CLVS1: variants seen among roughly 807,000 people sequenced by gnomAD.
CLVS1 encodes clavesin 1, also known as clavesin-1.
Under a neutral mutation model 33.1 loss-of-function variants are expected in CLVS1, and 10 were observed. The ratio of observed to expected loss-of-function variants is 0.30; its 90% CI spans 0.19 to 0.51. The LOEUF is 0.51. Ranked by LOEUF, CLVS1 falls within the 20% of genes least tolerant of loss-of-function variation. The probability of loss-of-function intolerance (pLI) is 0.97; values close to 1 mark genes in which losing one functional copy is unlikely to be tolerated. For missense variants in CLVS1, 343 were observed against 433.4 expected (o/e 0.79, Z 1.85); for synonymous variants, 163 against 166.1 (o/e 0.98, Z 0.14).
At chr8:61,499,371 A>G (rs1804461356) in intron 5 of CLVS1, 84 bp from the exon 6 acceptor site, 4 of 954,162 alleles carry the variant, frequency 4.2e-6, no homozygotes, top group Admixed American at 1.8e-5. Flanking sequence ...AAAGAGAAAT[A>G]TAAAATCCGG....
chr8:61,383,435 A>G, intron 3 of CLVS1, among the ~76,000 whole-genome samples: 1 of 152,258 alleles, frequency 6.6e-6, no homozygotes, highest in East Asian at 1.9e-4. Context: ...AATGTTAGAT[A>G]GAACAGATGG....
At chr8:61,378,643 G>A (rs1423061444) in intron 3 of CLVS1, among the ~76,000 whole-genome samples, 1 of 152,158 alleles carries the variant, frequency 6.6e-6, no homozygotes, top group Non-Finnish European at 1.5e-5. Context: ...ATCAAGGATA[G>A]GGGCTCCACC....
chr8:61,418,590 A>G (rs975347385), intron 3 of CLVS1, among the ~76,000 whole-genome samples: 1 of 152,212 alleles, frequency 6.6e-6, no homozygotes, highest in African/African-American at 2.4e-5. Context: ...ATTTTTACCA[A>G]ATAATACCCA....
chr8:61,312,785 T>G (rs1252592461), intron 2 of CLVS1, among the ~76,000 whole-genome samples: 1 of 152,204 alleles, frequency 6.6e-6, no homozygotes, highest in East Asian at 1.9e-4. Context: ...CAAAGCTCGT[T>G]AGTGCTTTGA....
chr8:61,397,883 A>G (rs1464032485), intron 3 of CLVS1, among the ~76,000 whole-genome samples: 1 of 152,202 alleles, frequency 6.6e-6, no homozygotes, highest in Non-Finnish European at 1.5e-5. Flanking sequence ...TGTTAATACA[A>G]CACTGTCTTG....
At chr8:61,000,860 G>A in the CLVS1 span, among the ~76,000 whole-genome samples, 1 of 152,270 alleles carries the variant, frequency 6.6e-6, no homozygotes, top group African/African-American at 2.4e-5. Context: ...TTGAGGGTTG[G>A]TGTTAGCCCA....
the CLVS1 span, among the ~76,000 whole-genome samples, chr8:60,995,475 C>T: frequency 6.6e-6 from 1 of 152,150 alleles, no homozygotes; most frequent in Non-Finnish European, 1.5e-5. Flanking sequence ...CCATCTCACA[C>T]CAGTTAGAAT....
chr8:61,452,392 T>A (rs1030208024), intron 3 of CLVS1, among the ~76,000 whole-genome samples: 1 of 152,236 alleles, frequency 6.6e-6, no homozygotes, highest in Non-Finnish European at 1.5e-5. Context: ...AAATAAATGC[T>A]TGTTTCTTAT....
intron 3 of CLVS1, among the ~76,000 whole-genome samples, chr8:61,422,819 C>T (rs776793160): frequency 6.6e-5 from 10 of 152,226 alleles, no homozygotes; most frequent in South Asian, 2.1e-4. Context: ...GAAGACTAAC[C>T]GAAAGAGTAA....
chr8:61,231,823 C>G (rs1417987637), intron 2 of CLVS1, among the ~76,000 whole-genome samples: 2 of 152,198 alleles, frequency 1.3e-5, no homozygotes, highest in South Asian at 4.1e-4. Context: ...CCAGTAGGGA[C>G]CCATCCCTAG....
chr8:61,451,842 G>T (rs985080723), intron 3 of CLVS1, among the ~76,000 whole-genome samples: 1 of 151,908 alleles, frequency 6.6e-6, no homozygotes, highest in Non-Finnish European at 1.5e-5. Context: ...GAGAGAGAGA[G>T]AGAGAACAGA....
intron 5 of CLVS1, among the ~76,000 whole-genome samples, chr8:61,471,837 G>GTTA (rs1178809862): frequency 6.6e-6 from 1 of 152,206 alleles, no homozygotes; most frequent in Non-Finnish European, 1.5e-5. Context: ...AATCTAAACT[G>GTTA]TTATCCCTGT....
chr8:61,157,203 T>C (rs1806667622), intron 2 of CLVS1, among the ~76,000 whole-genome samples: 1 of 152,204 alleles, frequency 6.6e-6, no homozygotes, highest in Admixed American at 6.5e-5. Context: ...GTAGGCTCTT[T>C]TTTTTGCATA....
chr8:61,460,240 T>C (rs1233692135), intron 5 of CLVS1, among the ~76,000 whole-genome samples: 1 of 152,168 alleles, frequency 6.6e-6, no homozygotes, highest in Non-Finnish European at 1.5e-5. Flanking sequence ...AAATTCAAAA[T>C]ATAAACTTAT....
the CLVS1 span, among the ~76,000 whole-genome samples, chr8:61,037,724 G>A: frequency 6.6e-6 from 1 of 152,160 alleles, no homozygotes; most frequent in Admixed American, 6.5e-5. Context: ...ACAAACACTC[G>A]CTATCTCCGA....
chr8:61,226,590 G>A (rs1260580479), intron 2 of CLVS1, among the ~76,000 whole-genome samples: 2 of 152,168 alleles, frequency 1.3e-5, no homozygotes, highest in African/African-American at 2.4e-5. Context: ...GTATCTTGAT[G>A]TTTTCTTGGA....
intron 2 of CLVS1, among the ~76,000 whole-genome samples, chr8:61,240,558 G>C (rs565017961): frequency 6.6e-6 from 1 of 152,296 alleles, no homozygotes; most frequent in East Asian, 1.9e-4. Flanking sequence ...TTATGCTGCA[G>C]TAAAGGCAAG....
intron 1 of CLVS1, among the ~76,000 whole-genome samples, chr8:61,102,816 A>G (rs1355109395): frequency 6.6e-6 from 1 of 152,214 alleles, no homozygotes; most frequent in Non-Finnish European, 1.5e-5. Flanking sequence ...AGGAAAGAGA[A>G]AGAGGAAATA....
At chr8:61,149,635 A>G (rs546660970) in intron 2 of CLVS1, among the ~76,000 whole-genome samples, 9 of 152,158 alleles carry the variant, frequency 5.9e-5, no homozygotes, top group Non-Finnish European at 1.3e-4. Context: ...GTGAATTCCA[A>G]TGCAGAAAAG....
Sources: gnomAD v4.1 joint callset for allele counts (sites outside exome capture counted in the v4.1 genomes callset) on GRCh38, gnomAD v4.1.1 for gene constraint, MANE v1.5 for transcripts, NCBI Gene and HGNC (gene_info 2026-07-23, HGNC 2026-07-21) for gene names.